The following NRG1 variants were observed in gnomAD, a reference collection of about 807,000 sequenced individuals.
NRG1 encodes the protein pro-neuregulin-1, membrane-bound isoform.
NRG1 carries 18 observed loss-of-function variants against 63.8 expected under a neutral mutation model. The ratio of observed to expected loss-of-function variants is 0.28; its 90% CI spans 0.19 to 0.42. The LOEUF (loss-of-function observed/expected upper bound fraction) is 0.42. NRG1 is among the 10% of genes least tolerant of loss of function. NRG1 has a pLI of 1.00. For missense variants in NRG1, 762 were observed against 814.7 expected (o/e 0.94, Z 0.79); for synonymous variants, 302 against 301.3 (o/e 1.00, Z -0.02).
chr8:32,182,386 A>G (rs1396480951), intron 1 of NRG1, among the ~76,000 whole-genome samples: 4 of 152,176 alleles, frequency 2.6e-5, no homozygotes, highest in Non-Finnish European at 5.9e-5. Flanking sequence ...AGCTGGGATT[A>G]CAGGCATGCG....
intron 1 of NRG1, among the ~76,000 whole-genome samples, chr8:32,012,356 G>A (rs1348956496): frequency 6.6e-6 from 1 of 152,042 alleles, no homozygotes; most frequent in African/African-American, 2.4e-5. Flanking sequence ...AATTAGGTGC[G>A]GAGGGTTGCA....
chr8:32,232,335 G>C (rs1440375376), intron 1 of NRG1, among the ~76,000 whole-genome samples: 1 of 152,186 alleles, frequency 6.6e-6, no homozygotes, highest in Non-Finnish European at 1.5e-5. Flanking sequence ...GCAAAGATGG[G>C]TAGTGTTTTG....
chr8:32,026,401 G>A (rs1329246960), intron 1 of NRG1: 2 of 152,054 alleles, frequency 1.3e-5, no homozygotes, highest in South Asian at 2.1e-4. Context: ...CCCCCAAGAA[G>A]GGCTTACATG....
At chr8:32,518,111 G>T (rs1830010429) in intron 1 of NRG1, among the ~76,000 whole-genome samples, 1 of 152,032 alleles carries the variant, frequency 6.6e-6, no homozygotes, top group Non-Finnish European at 1.5e-5. Context: ...TTTTTCCTAG[G>T]CCATTGCTGG....
intron 1 of NRG1, among the ~76,000 whole-genome samples, chr8:31,956,921 T>C (rs1297929707): frequency 6.6e-6 from 1 of 152,156 alleles, no homozygotes; most frequent in Non-Finnish European, 1.5e-5. Flanking sequence ...ATTGGATAAA[T>C]GAGGTTTGGA....
chr8:32,545,872 C>A (rs1833016153), upstream of NRG1, among the ~76,000 whole-genome samples: 1 of 152,080 alleles, frequency 6.6e-6, no homozygotes, highest in African/African-American at 2.4e-5. Flanking sequence ...ATGCAATTGC[C>A]ATTTCATCAT....
intron 1 of NRG1, among the ~76,000 whole-genome samples, chr8:31,879,935 A>T (rs940998934): frequency 6.6e-6 from 1 of 152,212 alleles, no homozygotes; most frequent in South Asian, 2.1e-4. Flanking sequence ...TATATGTACC[A>T]CATGTTCTTT....
chr8:32,220,820 A>G (rs1845738948), intron 1 of NRG1: 1 of 152,210 alleles, frequency 6.6e-6, no homozygotes, highest in Non-Finnish European at 1.5e-5. Context: ...CACTGCTGCT[A>G]GCTGGGAGGG....
chr8:31,708,532 G>A (rs1167821038), intron 1 of NRG1, among the ~76,000 whole-genome samples: 13 of 143,928 alleles, frequency 9.0e-5, no homozygotes, highest in African/African-American at 3.1e-4. Context: ...TGCAAGCTCC[G>A]CCTCCCGGGT....
intron 1 of NRG1, among the ~76,000 whole-genome samples, chr8:31,793,743 C>G (rs1157947273): frequency 6.6e-6 from 1 of 152,162 alleles, no homozygotes; most frequent in Non-Finnish European, 1.5e-5. Flanking sequence ...CATGGGAAGA[C>G]AAGAAGAAAT....
intron 1 of NRG1, among the ~76,000 whole-genome samples, chr8:32,518,871 T>A (rs187210330): frequency 6.6e-6 from 1 of 152,328 alleles, no homozygotes; most frequent in East Asian, 1.9e-4. Flanking sequence ...AAAAATCTGG[T>A]TCAGTTAATG....
At chr8:32,381,468 G>A (rs62497650) in intron 1 of NRG1, among the ~76,000 whole-genome samples, 52,805 of 151,948 alleles carry the variant, frequency 0.35, 10,230 homozygotes, top group South Asian at 0.47. Flanking sequence ...TCCTCAACAC[G>A]GAGGCAGGGC....
intron 6 of NRG1, among the ~76,000 whole-genome samples, chr8:32,729,300 A>G (rs1589456066): frequency 6.6e-6 from 1 of 152,238 alleles, no homozygotes; most frequent in Non-Finnish European, 1.5e-5. Context: ...AAATATATTT[A>G]ATATTTTATT....
At chr8:32,418,335 A>G (rs1816220614) in intron 1 of NRG1, among the ~76,000 whole-genome samples, 1 of 151,876 alleles carries the variant, frequency 6.6e-6, no homozygotes, top group Non-Finnish European at 1.5e-5. Context: ...ATAATATATT[A>G]TCTTTAACCT....
downstream of NRG1, among the ~76,000 whole-genome samples, chr8:32,771,183 T>G (rs553743031): frequency 6.6e-6 from 1 of 151,668 alleles, no homozygotes; most frequent in South Asian, 2.1e-4. Context: ...CAATTTTAGC[T>G]CACTGCAACC....
At chr8:31,853,618 A>G (rs1436223586) in intron 1 of NRG1, among the ~76,000 whole-genome samples, 63 of 151,016 alleles carry the variant, frequency 4.2e-4, no homozygotes, top group African/African-American at 1.2e-3. Context: ...TCTCCTGCCT[A>G]ATTGCCCTGG....
At chr8:32,517,036 A>G (rs1829888840) in intron 1 of NRG1, among the ~76,000 whole-genome samples, 1 of 152,224 alleles carries the variant, frequency 6.6e-6, no homozygotes, top group Admixed American at 6.5e-5. Context: ...CTATAAGTAA[A>G]AATGAGTAAT....
At chr8:31,787,418 G>A (rs1282706858) in intron 1 of NRG1, among the ~76,000 whole-genome samples, 1 of 152,072 alleles carries the variant, frequency 6.6e-6, no homozygotes, top group African/African-American at 2.4e-5. Context: ...CCTGCATATA[G>A]ACATGGTTGG....
chr8:31,867,928 C>T (rs1029344241), intron 1 of NRG1, among the ~76,000 whole-genome samples: 3 of 152,076 alleles, frequency 2.0e-5, no homozygotes, highest in South Asian at 2.1e-4. Flanking sequence ...GATAATTTGG[C>T]CAACTGTATT....
Sources: gnomAD v4.1 joint callset for allele counts (sites outside exome capture counted in the v4.1 genomes callset) on GRCh38, gnomAD v4.1.1 for gene constraint, MANE v1.5 for transcripts, NCBI Gene and HGNC (gene_info 2026-07-23, HGNC 2026-07-21) for gene names.